Variants in APBA1 observed in about 807,000 individuals in gnomAD.
The protein encoded by APBA1 is amyloid beta precursor protein binding family A member 1.
A neutral mutation model predicts 86.6 loss-of-function variants in APBA1; 55 were observed. The ratio of observed to expected loss-of-function variants is 0.64; its 90% CI spans 0.51 to 0.80. APBA1 has a LOEUF of 0.80. APBA1 is among the 30% of genes least tolerant of loss of function. The pLI, the probability that APBA1 is intolerant of heterozygous loss-of-function variation, is 0.00. For missense variants in APBA1, 1,090 were observed against 1,183.0 expected, an observed-to-expected ratio of 0.92 and a Z score of 1.15; for synonymous variants, 511 against 493.9, an observed-to-expected ratio of 1.03 and a Z score of -0.46.
chr9:69,503,896 G>A (rs909272412), intron 2 of APBA1, among the ~76,000 whole-genome samples: 2 of 152,066 alleles, frequency 1.3e-5, no homozygotes, highest in Non-Finnish European at 2.9e-5. Context: ...TGGGTCCCCC[G>A]TTTCCTGGAT....
intron 1 of APBA1, among the ~76,000 whole-genome samples, chr9:69,518,542 A>C (rs1836203924): frequency 1.3e-5 from 2 of 152,192 alleles, no homozygotes; most frequent in Non-Finnish European, 2.9e-5. Flanking sequence ...CTTATCACAA[A>C]ATAGCTTTAT....
chr9:69,563,508 T>G (rs1483783808), intron 1 of APBA1, among the ~76,000 whole-genome samples: 2 of 152,214 alleles, frequency 1.3e-5, no homozygotes, highest in African/African-American at 4.8e-5. Context: ...AAGATGCCTA[T>G]GGGTTAATAC....
At chr9:69,567,567 T>TC (rs1334725143) in intron 1 of APBA1, among the ~76,000 whole-genome samples, 4 of 151,904 alleles carry the variant, frequency 2.6e-5, no homozygotes, top group South Asian at 2.1e-4. Flanking sequence ...ATGCAATCCC[T>TC]CCCCCCTCCA....
chr9:69,526,300 C>T (rs777936207), intron 1 of APBA1, among the ~76,000 whole-genome samples: 18 of 151,716 alleles, frequency 1.2e-4, no homozygotes, highest in Non-Finnish European at 2.2e-4. Context: ...ATAGAAAGAG[C>T]GAAAATATTT....
chr9:69,511,315 T>C (rs1304409200), intron 2 of APBA1, among the ~76,000 whole-genome samples: 2 of 152,020 alleles, frequency 1.3e-5, no homozygotes, highest in Admixed American at 1.3e-4. Context: ...AAAAAACACA[T>C]GAAAAAATGC....
intron 1 of APBA1, among the ~76,000 whole-genome samples, chr9:69,561,734 A>G (rs1836948733): frequency 6.6e-6 from 1 of 151,836 alleles, no homozygotes; most frequent in Admixed American, 6.6e-5. Context: ...GGTTCAAGCA[A>G]TTCTCCCTGC....
intron 2 of APBA1, among the ~76,000 whole-genome samples, chr9:69,500,987 G>A (rs10283788): frequency 0.15 from 22,757 of 151,912 alleles, 2,324 homozygotes; most frequent in East Asian, 0.28. Flanking sequence ...TATTCCTTCC[G>A]GGTAAACTGG....
intron 1 of APBA1, among the ~76,000 whole-genome samples, chr9:69,667,277 C>T (rs1001577970): frequency 1.3e-5 from 2 of 152,136 alleles, no homozygotes; most frequent in African/African-American, 4.8e-5. Context: ...GCTCACTATA[C>T]AAAAATTACT....
chr9:69,536,564 G>A (rs1192519153), intron 1 of APBA1, among the ~76,000 whole-genome samples: 1 of 151,368 alleles, frequency 6.6e-6, no homozygotes, highest in Non-Finnish European at 1.5e-5. Context: ...ACAATTCAGT[G>A]GCATTAAGAA....
intron 1 of APBA1, among the ~76,000 whole-genome samples, chr9:69,534,580 A>T (rs1004999761): frequency 6.6e-6 from 1 of 152,206 alleles, no homozygotes; most frequent in Admixed American, 6.5e-5. Context: ...TAGGAAGTTA[A>T]GTTTTAATAC....
chr9:69,557,295 T>C (rs1836877806), intron 1 of APBA1, among the ~76,000 whole-genome samples: 1 of 152,204 alleles, frequency 6.6e-6, no homozygotes. Context: ...TAGGTGCTTA[T>C]TAAATGGGTT....
At chr9:69,637,174 T>C (rs894432251) in intron 1 of APBA1, among the ~76,000 whole-genome samples, 160 of 152,024 alleles carry the variant, frequency 1.1e-3, no homozygotes, top group African/African-American at 3.6e-3. Flanking sequence ...ATTAAAACCA[T>C]GGAATTCATA....
intron 1 of APBA1, among the ~76,000 whole-genome samples, chr9:69,660,105 C>T (rs1823721523): frequency 1.3e-5 from 2 of 152,164 alleles, no homozygotes; most frequent in African/African-American, 4.8e-5. Context: ...GCCATAATTC[C>T]AGCATACAGT....
intron 2 of APBA1, among the ~76,000 whole-genome samples, chr9:69,505,079 G>T (rs1308209945): frequency 6.6e-6 from 1 of 152,014 alleles, no homozygotes; most frequent in Non-Finnish European, 1.5e-5. Flanking sequence ...CCTCATCAGT[G>T]TGTTAGTCAG....
intron 1 of APBA1, among the ~76,000 whole-genome samples, chr9:69,551,445 C>T (rs112571029): frequency 0.058 from 8,844 of 151,426 alleles, 340 homozygotes; most frequent in South Asian, 0.095. Flanking sequence ...CCCAGCTACT[C>T]GGGAGGCTGG....
intron 1 of APBA1, among the ~76,000 whole-genome samples, chr9:69,608,272 C>T (rs1371794937): frequency 6.6e-6 from 1 of 152,154 alleles, no homozygotes; most frequent in African/African-American, 2.4e-5. Flanking sequence ...GAAGTGTTTA[C>T]TAAGGTGGAA....
chr9:69,584,591 T>A (rs1206257958), intron 1 of APBA1, among the ~76,000 whole-genome samples: 2 of 152,174 alleles, frequency 1.3e-5, no homozygotes, highest in African/African-American at 4.8e-5. Flanking sequence ...CACGTACAAC[T>A]ATTACAAAGA....
intron 1 of APBA1, among the ~76,000 whole-genome samples, chr9:69,544,074 C>T (rs1836659598): frequency 6.6e-6 from 1 of 152,182 alleles, no homozygotes; most frequent in African/African-American, 2.4e-5. Context: ...CAAGAAACTG[C>T]GTAGTAATAC....
At chr9:69,513,416 A>C (rs549383820) in intron 2 of APBA1, among the ~76,000 whole-genome samples, 1 of 152,350 alleles carries the variant, frequency 6.6e-6, no homozygotes, top group Admixed American at 6.5e-5. Context: ...ATCTGGACCA[A>C]CTGTGCCTGC....
Sources: gnomAD v4.1 joint callset for allele counts (sites outside exome capture counted in the v4.1 genomes callset) on GRCh38, gnomAD v4.1.1 for gene constraint, MANE v1.5 for transcripts, NCBI Gene and HGNC (gene_info 2026-07-23, HGNC 2026-07-21) for gene names.